The following FAM120B variants were observed in gnomAD, a reference collection of about 807,000 sequenced individuals.
FAM120B encodes constitutive coactivator of peroxisome proliferator-activated receptor gamma.
Under a neutral mutation model 96.3 loss-of-function variants are expected in FAM120B, and 83 were observed. The ratio of observed to expected loss-of-function variants is 0.86; its 90% CI spans 0.72 to 1.03. FAM120B has a LOEUF of 1.03. Among genes scored for constraint, FAM120B ranks in the 50% least tolerant of loss-of-function variants. The pLI is 0.00. For missense variants in FAM120B, 1,027 were observed against 1,121.2 expected (o/e 0.92, Z 1.20); for synonymous variants, 407 against 402.7 (o/e 1.01, Z -0.13).
At chr6:170,361,744 G>A (rs979027970) in intron 6 of FAM120B, among the ~76,000 whole-genome samples, 1 of 152,188 alleles carries the variant, frequency 6.6e-6, no homozygotes. Flanking sequence ...CAACCCTTGT[G>A]ATCATACATA....
At chr6:170,307,987 A>T (rs1784384681) in intron 1 of FAM120B, among the ~76,000 whole-genome samples, 1 of 152,186 alleles carries the variant, frequency 6.6e-6, no homozygotes, top group Non-Finnish European at 1.5e-5. Flanking sequence ...AGAGCATCTT[A>T]TCCGCAGCTG....
intron 8 of FAM120B, 43 bp from the exon 9 acceptor site, chr6:170,395,444 A>G (rs372010768): frequency 6.4e-5 from 94 of 1,461,976 alleles, no homozygotes; most frequent in Non-Finnish European, 8.0e-5. Context: ...TTGGGTTAAG[A>G]CATTTGACAA....
chr6:170,352,706 CAA>C (rs987937020), intron 5 of FAM120B, among the ~76,000 whole-genome samples: 1 of 151,366 alleles, frequency 6.6e-6, no homozygotes, highest in Non-Finnish European at 1.5e-5. Context: ...TTAATGAGAA[CAA>C]AGAGACTACT....
chr6:170,358,720 G>A (rs1005306972), intron 6 of FAM120B, among the ~76,000 whole-genome samples: 11 of 152,230 alleles, frequency 7.2e-5, no homozygotes, highest in East Asian at 1.9e-4. Context: ...CTCCTGGCGC[G>A]TTGGCTGTGG....
intron 1 of FAM120B, among the ~76,000 whole-genome samples, chr6:170,296,509 G>A (rs895079718): frequency 3.3e-5 from 5 of 151,804 alleles, no homozygotes; most frequent in Non-Finnish European, 5.9e-5. Flanking sequence ...GCCCCACGCA[G>A]CCTCGCGCCC....
chr6:170,321,757 C>T (rs564908372), intron 2 of FAM120B, among the ~76,000 whole-genome samples: 17 of 152,316 alleles, frequency 1.1e-4, no homozygotes, highest in African/African-American at 4.1e-4. Flanking sequence ...CTTATATTGA[C>T]TCATTTAATC....
chr6:170,309,561 C>G (rs1215719158), intron 1 of FAM120B, among the ~76,000 whole-genome samples: 3 of 152,092 alleles, frequency 2.0e-5, no homozygotes, highest in African/African-American at 7.2e-5. Context: ...TTTGGTGTTT[C>G]CATATATTAA....
chr6:170,361,184 A>G (rs1314749557), intron 6 of FAM120B, among the ~76,000 whole-genome samples: 3 of 117,218 alleles, frequency 2.6e-5, no homozygotes, highest in Non-Finnish European at 5.1e-5. Flanking sequence ...CCTTAAAACT[A>G]TATATATATA....
chr6:170,359,296 G>C (rs934546167), intron 6 of FAM120B, among the ~76,000 whole-genome samples: 25 of 151,912 alleles, frequency 1.6e-4, no homozygotes, highest in African/African-American at 6.0e-4. Context: ...GCAAGGCTGA[G>C]GCAATAGAAT....
At position 170,363,234 on chromosome 6, in the gene FAM120B, A is replaced by G. The variant is rs1472252948; in HGVS notation, c.2283+4916A>G. On this transcript the variant is annotated intron_variant, in intron 6 of 10. Transcript: ENST00000476287. The surrounding 1 kb of genome is among the most constrained non-coding windows in gnomAD (Gnocchi z 4.5). ...AGCTGGTACCTTAGCCACTTTTTCT[A>G]GTGCCTCATAGCTAATCATTGGGAA... Among the ~76,000 whole-genome samples the G allele has an allele frequency of 2.0e-5, 3 of 152,186 alleles. No homozygotes were observed. Among genetic ancestry groups the G allele is most frequent in the Non-Finnish European group, 4.4e-5 (3 of 68,022 alleles).
At chr6:170,320,855 G>A (rs1046315676) in intron 2 of FAM120B, among the ~76,000 whole-genome samples, 1 of 149,664 alleles carries the variant, frequency 6.7e-6, no homozygotes, top group African/African-American at 2.4e-5. Context: ...AAAGTCCAAG[G>A]GGGCAAGTTT....
intron 9 of FAM120B, among the ~76,000 whole-genome samples, chr6:170,397,553 G>A (rs1583315153): frequency 6.6e-6 from 1 of 152,186 alleles, no homozygotes. Flanking sequence ...TGCAGCAGGT[G>A]GTGAGACCTC....
chr6:170,302,697 T>C (rs1348429038), upstream of FAM120B, among the ~76,000 whole-genome samples: 1 of 152,192 alleles, frequency 6.6e-6, no homozygotes, highest in Non-Finnish European at 1.5e-5. Context: ...TATTCCCCTT[T>C]CTTTTCCTAT....
At chr6:170,348,346 A>T in intron 5 of FAM120B, 23 bp downstream of exon 5, 2 of 1,608,950 alleles carry the variant, frequency 1.2e-6, no homozygotes, top group East Asian at 4.5e-5. Context: ...TGCCCGTTCT[A>T]GTCACTGCAG....
intron 6 of FAM120B, among the ~76,000 whole-genome samples, chr6:170,376,948 G>A (rs146810429): frequency 0.21 from 22,235 of 107,684 alleles, 2,378 homozygotes; most frequent in East Asian, 0.71. Context: ...GCCTGGGAGA[G>A]CACGAGCTCA....
Position 170,318,123 on chromosome 6 carries a change from A to T in FAM120B, c.733A>T (p.Lys245Ter). ...GGGCATGTTTGAAAGCTTTAGGTAC[A>T]AATGCTTATCGTCCTACACCTCTGT... ...PEGMFESFRY[K>*]CLSSYTSVKE... The change falls in exon 2 of 11, where the codon AAA becomes TAA. Residue 245 changes from lysine (K) to a stop codon, truncating the protein, a stop_gained. Transcript: ENST00000476287. LOFTEE classifies it high-confidence loss of function. 1 of 1,614,262 alleles carries T rather than the reference A, an allele frequency of 6.2e-7. No individual in the cohort carries two copies. The highest frequency in any genetic ancestry group is 1.7e-5 in the Admixed American group (1 of 60,030).
At chr6:170,296,765 G>T (rs1368461402) in intron 1 of FAM120B, among the ~76,000 whole-genome samples, 4 of 152,062 alleles carry the variant, frequency 2.6e-5, no homozygotes, top group Non-Finnish European at 4.4e-5. Flanking sequence ...CGGGGTGGGG[G>T]TCTCCGGCCC....
intron 6 of FAM120B, among the ~76,000 whole-genome samples, chr6:170,368,628 A>G (rs1460126830): frequency 6.6e-6 from 1 of 152,264 alleles, no homozygotes; most frequent in Non-Finnish European, 1.5e-5. Context: ...AAAGAAGGAA[A>G]AATGCTTTCA....
chr6:170,382,941 G>A (rs74874668), intron 6 of FAM120B, among the ~76,000 whole-genome samples: 2,397 of 152,206 alleles, frequency 0.016, 99 homozygotes, highest in East Asian at 0.098. Flanking sequence ...TGTTGGTGAA[G>A]GGACAGACAC....
Sources: allele counts gnomAD v4.1 joint callset (sites outside exome capture counted in the v4.1 genomes callset), GRCh38; gene constraint gnomAD v4.1.1; non-coding constraint Gnocchi (gnomAD v3.1); transcripts MANE v1.5; gene names NCBI Gene and HGNC (gene_info 2026-07-23, HGNC 2026-07-21).